The following ZNF385D variants were observed in gnomAD, a reference collection of about 807,000 sequenced individuals.
The protein encoded by ZNF385D is zinc finger protein 385D.
In ZNF385D, 15 loss-of-function variants were observed where a neutral mutation model predicts 35.8. The observed-to-expected ratio is 0.42, with a 90% confidence interval of 0.28 to 0.64. The LOEUF (loss-of-function observed/expected upper bound fraction) is 0.64. Among genes scored for constraint, ZNF385D ranks in the 30% least tolerant of loss-of-function variants. The pLI, the probability that ZNF385D is intolerant of heterozygous loss-of-function variation, is 0.23. For synonymous variants in ZNF385D, 212 were observed against 186.8 expected, an observed-to-expected ratio of 1.13 and a Z score of -1.10; for missense variants, 474 against 494.6, an observed-to-expected ratio of 0.96 and a Z score of 0.39.
chr3:21,472,862 T>C (rs921673897), intron 4 of ZNF385D, among the ~76,000 whole-genome samples: 2 of 152,168 alleles, frequency 1.3e-5, no homozygotes, highest in African/African-American at 4.8e-5. Flanking sequence ...GGTAGAGTTA[T>C]CTGAGCCTCT....
At chr3:21,882,837 C>A (rs1196761342) in intron 3 of ZNF385D, among the ~76,000 whole-genome samples, 1 of 151,958 alleles carries the variant, frequency 6.6e-6, no homozygotes, top group Non-Finnish European at 1.5e-5. Flanking sequence ...AGCATAGCTA[C>A]TTGAGCACTT....
At chr3:22,130,791 T>G (rs1210277562) in intron 3 of ZNF385D, among the ~76,000 whole-genome samples, 1 of 152,140 alleles carries the variant, frequency 6.6e-6, no homozygotes, top group Non-Finnish European at 1.5e-5. Context: ...GCTCACCAGA[T>G]TTTTGGTTCT....
intron 3 of ZNF385D, among the ~76,000 whole-genome samples, chr3:22,060,659 A>G (rs943075314): frequency 6.6e-6 from 1 of 152,178 alleles, no homozygotes; most frequent in Non-Finnish European, 1.5e-5. Context: ...AGCCATGGAA[A>G]CTAGTGATCT....
At chr3:21,975,044 C>A (rs1473555487) in intron 3 of ZNF385D, among the ~76,000 whole-genome samples, 1 of 152,162 alleles carries the variant, frequency 6.6e-6, no homozygotes, top group African/African-American at 2.4e-5. Context: ...AACTGCCATA[C>A]AATTCAGCAA....
At chr3:22,034,910 T>C (rs991317129) in intron 3 of ZNF385D, among the ~76,000 whole-genome samples, 1 of 152,216 alleles carries the variant, frequency 6.6e-6, no homozygotes, top group African/African-American at 2.4e-5. Context: ...GTTGAATTTA[T>C]CTTACAGAAT....
At chr3:21,975,999 A>G (rs2125354740) in intron 3 of ZNF385D, among the ~76,000 whole-genome samples, 1 of 152,196 alleles carries the variant, frequency 6.6e-6, no homozygotes, top group East Asian at 1.9e-4. Flanking sequence ...CCAGACTTCT[A>G]CTTCAGAGCC....
intron 2 of ZNF385D, among the ~76,000 whole-genome samples, chr3:22,235,009 C>A (rs1021449703): frequency 2.6e-5 from 4 of 151,972 alleles, no homozygotes; most frequent in Admixed American, 2.0e-4. Context: ...TACCAAATCT[C>A]AACCACATAA....
At chr3:22,095,036 C>T (rs1701538521) in intron 3 of ZNF385D, among the ~76,000 whole-genome samples, 1 of 151,462 alleles carries the variant, frequency 6.6e-6, no homozygotes, top group Admixed American at 6.6e-5. Flanking sequence ...GACTCCCCAA[C>T]AGTTAGGACT....
intron 3 of ZNF385D, among the ~76,000 whole-genome samples, chr3:21,542,612 C>T (rs990103856): frequency 1.3e-5 from 2 of 152,218 alleles, no homozygotes; most frequent in African/African-American, 4.8e-5. Context: ...CCTCCTCAAG[C>T]ACTGGGATTA....
intron 3 of ZNF385D, among the ~76,000 whole-genome samples, chr3:21,949,715 C>G (rs1701972108): frequency 6.6e-6 from 1 of 152,040 alleles, no homozygotes; most frequent in Non-Finnish European, 1.5e-5. Flanking sequence ...TAGTCCCTCA[C>G]CAGCCAACAG....
At chr3:22,217,818 G>C (rs1237341792) in intron 2 of ZNF385D, among the ~76,000 whole-genome samples, 1 of 152,034 alleles carries the variant, frequency 6.6e-6, no homozygotes, top group African/African-American at 2.4e-5. Context: ...GATTTCTAAT[G>C]ATTTTACCTG....
chr3:22,232,579 C>G (rs985273797), intron 2 of ZNF385D, among the ~76,000 whole-genome samples: 6 of 152,108 alleles, frequency 3.9e-5, no homozygotes, highest in African/African-American at 1.4e-4. Context: ...TGATGTTCCC[C>G]TCCCTGTGAC....
chr3:21,979,804 C>T (rs1694317647), intron 3 of ZNF385D: 2 of 148,954 alleles, frequency 1.3e-5, no homozygotes, highest in Admixed American at 1.3e-4. Flanking sequence ...CTTGCCTTCA[C>T]CAAATGAACT....
intron 2 of ZNF385D, among the ~76,000 whole-genome samples, chr3:22,292,698 A>G (rs1045830799): frequency 3.3e-5 from 5 of 152,158 alleles, no homozygotes; most frequent in African/African-American, 1.2e-4. Flanking sequence ...TTATTTCTGT[A>G]ACAAGTATTT....
intron 3 of ZNF385D, among the ~76,000 whole-genome samples, chr3:21,822,862 T>G (rs1289862429): frequency 6.6e-6 from 1 of 151,576 alleles, no homozygotes; most frequent in African/African-American, 2.4e-5. Flanking sequence ...TATATAAAGA[T>G]CAACAGCAAG....
chr3:21,890,508 A>T (rs1223534401), intron 3 of ZNF385D, among the ~76,000 whole-genome samples: 1 of 152,092 alleles, frequency 6.6e-6, no homozygotes, highest in African/African-American at 2.4e-5. Flanking sequence ...AATCCCAGCT[A>T]CTCAGGAGGC....
chr3:21,769,326 C>T (rs377255438), intron 3 of ZNF385D, among the ~76,000 whole-genome samples: 4 of 136,578 alleles, frequency 2.9e-5, no homozygotes, highest in Admixed American at 7.7e-5. Context: ...GATTGTATAT[C>T]TAGAAAACCC....
chr3:22,144,565 T>C (rs1704724809), intron 3 of ZNF385D, among the ~76,000 whole-genome samples: 2 of 81,896 alleles, frequency 2.4e-5, no homozygotes, highest in Non-Finnish European at 4.1e-5. Context: ...AGGGTGAGAC[T>C]CCATTTCAAA....
chr3:21,678,334 T>C (rs1177807240), intron 1 of ZNF385D, among the ~76,000 whole-genome samples: 1 of 152,076 alleles, frequency 6.6e-6, no homozygotes, highest in East Asian at 1.9e-4. Flanking sequence ...TCCTGGACAT[T>C]CTGCAACAGC....
Sources: gnomAD v4.1 joint callset for allele counts (sites outside exome capture counted in the v4.1 genomes callset) on GRCh38, gnomAD v4.1.1 for gene constraint, MANE v1.5 for transcripts, NCBI Gene and HGNC (gene_info 2026-07-23, HGNC 2026-07-21) for gene names.